C12orf42: variants seen among roughly 807,000 people sequenced by gnomAD.
C12orf42 encodes the protein chromosome 12 open reading frame 42.
Under a neutral mutation model 21.6 loss-of-function variants are expected in C12orf42, and 25 were observed. The observed-to-expected ratio is 1.16, with a 90% CI of 0.84 to 1.62. The LOEUF (loss-of-function observed/expected upper bound fraction) is 1.62. Ranked by LOEUF, C12orf42 falls within the 40% of genes most tolerant of loss-of-function variation. The pLI, the probability that C12orf42 is intolerant of heterozygous loss-of-function variation, is 0.00. For missense variants in C12orf42, 483 were observed against 459.3 expected, an observed-to-expected ratio of 1.05 and a Z score of -0.47; for synonymous variants, 174 against 175.0, an observed-to-expected ratio of 0.99 and a Z score of 0.05.
chr12:103,533,237 T>C, the C12orf42 span, among the ~76,000 whole-genome samples: 1 of 152,232 alleles, frequency 6.6e-6, no homozygotes. Flanking sequence ...AAATTAGTTT[T>C]GGGGAACTTG....
chr12:103,395,731 A>G (rs2047473547), intron 3 of C12orf42, among the ~76,000 whole-genome samples: 1 of 152,228 alleles, frequency 6.6e-6, no homozygotes, highest in African/African-American at 2.4e-5. Context: ...ATAATCATTT[A>G]TAATTGATCT....
chr12:103,484,202 G>A (rs1297123311), intron 1 of C12orf42, among the ~76,000 whole-genome samples: 1 of 152,160 alleles, frequency 6.6e-6, no homozygotes, highest in Non-Finnish European at 1.5e-5. Context: ...GGGTCAAATG[G>A]TATTTCTAGT....
At chr12:103,162,407 G>GT in the C12orf42 span, among the ~76,000 whole-genome samples, 1 of 152,048 alleles carries the variant, frequency 6.6e-6, no homozygotes, top group Non-Finnish European at 1.5e-5. Flanking sequence ...ACTTTGCAAG[G>GT]TTGGCTGGGG....
At chr12:103,496,943 T>C (rs1455787654), upstream of C12orf42, among the ~76,000 whole-genome samples, 2 of 147,118 alleles carry the variant, frequency 1.4e-5, no homozygotes, top group African/African-American at 5.2e-5. Flanking sequence ...TTTTCTGCAT[T>C]TATTTCTTTA....
chr12:103,146,588 GAA>G, the C12orf42 span, among the ~76,000 whole-genome samples: 1 of 148,240 alleles, frequency 6.7e-6, no homozygotes, highest in African/African-American at 2.5e-5. Context: ...AAGAAAGAAA[GAA>G]AGAAAGAAAG....
At chr12:103,420,824 G>A (rs1163197065) in intron 2 of C12orf42, among the ~76,000 whole-genome samples, 1 of 152,064 alleles carries the variant, frequency 6.6e-6, no homozygotes, top group East Asian at 1.9e-4. Context: ...CAGCCTGCAT[G>A]TTTCTTTTGC....
At chr12:103,163,112 A>G in the C12orf42 span, among the ~76,000 whole-genome samples, 127 of 152,314 alleles carry the variant, frequency 8.3e-4, no homozygotes, top group African/African-American at 3.0e-3. Flanking sequence ...TACTCACATC[A>G]GTGTCTGGCA....
chr12:103,504,896 G>A, the C12orf42 span: 1 of 168,988 alleles, frequency 5.9e-6, no homozygotes, highest in Non-Finnish European at 1.3e-5. Flanking sequence ...ATCCTGGAAA[G>A]ACCTGTCACG....
At chr12:103,326,862 T>C (rs961788180) in intron 4 of C12orf42, among the ~76,000 whole-genome samples, 1 of 152,232 alleles carries the variant, frequency 6.6e-6, no homozygotes, top group African/African-American at 2.4e-5. Flanking sequence ...TGTTTACTTG[T>C]TTACTGTCTG....
the C12orf42 span, among the ~76,000 whole-genome samples, chr12:103,056,040 C>T: frequency 6.6e-6 from 1 of 151,940 alleles, no homozygotes; most frequent in African/African-American, 2.4e-5. Flanking sequence ...CTATACATAG[C>T]GATTAGATTT....
At chr12:103,248,598 A>T (rs1389065106) in intron 10 of C12orf42, among the ~76,000 whole-genome samples, 1 of 152,054 alleles carries the variant, frequency 6.6e-6, no homozygotes, top group Non-Finnish European at 1.5e-5. Flanking sequence ...TTTGAAAAGC[A>T]TAGAGACATG....
intron 2 of C12orf42, among the ~76,000 whole-genome samples, chr12:103,472,470 C>T (rs1489911232): frequency 6.6e-6 from 1 of 152,054 alleles, no homozygotes; most frequent in Non-Finnish European, 1.5e-5. Context: ...AAAATTGATA[C>T]CTCAATTATA....
chr12:103,103,236 G>A, the C12orf42 span, among the ~76,000 whole-genome samples: 1 of 152,140 alleles, frequency 6.6e-6, no homozygotes, highest in Admixed American at 6.5e-5. Context: ...GAAAGCTTGG[G>A]AACCACTTCA....
chr12:103,084,373 A>G, the C12orf42 span, among the ~76,000 whole-genome samples: 1 of 152,184 alleles, frequency 6.6e-6, no homozygotes, highest in African/African-American at 2.4e-5. Flanking sequence ...GGCAAAATTT[A>G]TTAGATGTTA....
At chr12:103,106,706 G>A in the C12orf42 span, among the ~76,000 whole-genome samples, 1 of 151,216 alleles carries the variant, frequency 6.6e-6, no homozygotes, top group Non-Finnish European at 1.5e-5. Flanking sequence ...CAGGAAAAGA[G>A]GAGAAAAAAA....
chr12:103,075,269 T>C, the C12orf42 span, among the ~76,000 whole-genome samples: 1 of 152,206 alleles, frequency 6.6e-6, no homozygotes, highest in Non-Finnish European at 1.5e-5. Flanking sequence ...ATATTACTTT[T>C]GGCCTCCATC....
In C12orf42 at chr12:103,306,767, G is replaced by A. The variant is rs552130031; in HGVS notation, c.260-422C>T. Among the ~76,000 whole-genome samples the A allele has an allele frequency of 3.9e-5, 6 of 152,284 alleles. No individual in the cohort carries two copies. The East Asian group carries it at 9.6e-4, about 24-fold the overall frequency. On this transcript the variant is annotated intron_variant, in intron 4 of 5. Transcript: ENST00000548883. ...GTCCTAACCCGCAGCACCTGTGCATGTGACCTTATTTGGAAATAGGGTCTT... is the reference window on the plus strand; with the variant it reads ...GTCCTAACCCGCAGCACCTGTGCATATGACCTTATTTGGAAATAGGGTCTT...
chr12:103,256,157 C>CATATATAT (rs1445695814), intron 10 of C12orf42, among the ~76,000 whole-genome samples: 16 of 125,504 alleles, frequency 1.3e-4, no homozygotes, highest in African/African-American at 2.7e-4. Flanking sequence ...TATATATACA[C>CATATATAT]ACATATATAT....
chr12:103,221,169 A>T, the C12orf42 span, among the ~76,000 whole-genome samples: 1 of 152,242 alleles, frequency 6.6e-6, no homozygotes, highest in Admixed American at 6.5e-5. Flanking sequence ...CACAGAGAGG[A>T]TTATAGAACA....
Sources: gnomAD v4.1 joint callset for allele counts (sites outside exome capture counted in the v4.1 genomes callset) on GRCh38, gnomAD v4.1.1 for gene constraint, MANE v1.5 for transcripts, NCBI Gene and HGNC (gene_info 2026-07-23, HGNC 2026-07-21) for gene names.